Variants in LARS2 observed in about 807,000 individuals in gnomAD.
LARS2 encodes leucyl-tRNA synthetase 2, mitochondrial.
In LARS2, 81 loss-of-function variants were observed where a neutral mutation model predicts 116.6. The observed-to-expected ratio is 0.69, with a 90% CI of 0.58 to 0.84. The LOEUF is 0.84. Among genes scored for constraint, LARS2 ranks in the 40% least tolerant of loss-of-function variants. The pLI, the probability that LARS2 is intolerant of heterozygous loss-of-function variation, is 0.00. For missense variants in LARS2, 968 were observed against 1,114.5 expected (o/e 0.87, Z 1.87); for synonymous variants, 396 against 407.2 (o/e 0.97, Z 0.33).
chr3:45,496,009 G>C (rs1363970416), intron 13 of LARS2, among the ~76,000 whole-genome samples: 1 of 151,980 alleles, frequency 6.6e-6, no homozygotes, highest in Non-Finnish European at 1.5e-5. Flanking sequence ...ACAGGCACAC[G>C]CCACGACGCC....
chr3:45,457,555 G>A (rs1332074654), intron 7 of LARS2, among the ~76,000 whole-genome samples: 3 of 152,142 alleles, frequency 2.0e-5, no homozygotes, highest in Non-Finnish European at 4.4e-5. Flanking sequence ...GCACATGCCT[G>A]TAATCCCAGC....
At chr3:45,428,490 C>G (rs1261880348) in intron 6 of LARS2, among the ~76,000 whole-genome samples, 1 of 152,178 alleles carries the variant, frequency 6.6e-6, no homozygotes, top group South Asian at 2.1e-4. Flanking sequence ...CGTGATCCAC[C>G]CGCCTCAGCC....
chr3:45,465,551 G>T (rs907922349), intron 8 of LARS2, among the ~76,000 whole-genome samples: 1 of 152,220 alleles, frequency 6.6e-6, no homozygotes, highest in Non-Finnish European at 1.5e-5. Flanking sequence ...TGCCTGAATA[G>T]AGGGAGTAAA....
At position 45,406,904 on chromosome 3, in the gene LARS2, G is replaced by A. The variant is rs190681040; in HGVS notation, c.363+6531G>A. Among the ~76,000 whole-genome samples the A allele has an allele frequency of 5.7e-4, 87 of 152,242 alleles. 1 individual carries two copies. The highest frequency in any genetic ancestry group is 2.0e-3 in the African/African-American group (83 of 41,544). On this transcript the variant is annotated intron_variant, in intron 4 of 21. Transcript: ENST00000645846. Reference sequence around the variant, plus strand: ...CTTAGCTCCATATGGTGATTTTGTTGTGTTTTCATATGTTGTATGCACAGA... The same window carrying A: ...CTTAGCTCCATATGGTGATTTTGTTATGTTTTCATATGTTGTATGCACAGA...
At chr3:45,434,101 C>T (rs1240923085) in intron 6 of LARS2, among the ~76,000 whole-genome samples, 86 of 152,108 alleles carry the variant, frequency 5.7e-4, no homozygotes, top group Non-Finnish European at 2.9e-5. Context: ...CACTTAGCTT[C>T]TTGCATCTGT....
chr3:45,526,906 A>G (rs1277633905), intron 20 of LARS2, among the ~76,000 whole-genome samples: 3 of 152,258 alleles, frequency 2.0e-5, no homozygotes, highest in Non-Finnish European at 2.9e-5. Flanking sequence ...TAAGAAAATA[A>G]GATAAATGCA....
chr3:45,504,335 C>T (rs1335504601), intron 15 of LARS2, among the ~76,000 whole-genome samples: 1 of 151,934 alleles, frequency 6.6e-6, no homozygotes, highest in African/African-American at 2.4e-5. Context: ...GACAGAAACC[C>T]ATTTTCATTA....
At chr3:45,417,721 T>G in intron 5 of LARS2, 148 bp downstream of exon 5, 1 of 585,352 alleles carries the variant, frequency 1.7e-6, no homozygotes, top group Admixed American at 3.0e-5. Context: ...GGTGTTTGTC[T>G]TTTAACATAT....
At chr3:45,533,020 G>C (rs2125765461) in intron 20 of LARS2, among the ~76,000 whole-genome samples, 1 of 152,130 alleles carries the variant, frequency 6.6e-6, no homozygotes, top group South Asian at 2.1e-4. Flanking sequence ...ACACCCTTAA[G>C]GGAGGGAGGT....
Position 45,435,571 on chromosome 3 carries a change from T to C in LARS2, c.517-11320T>C, listed in dbSNP as rs1397585884. 2.6e-5 allele frequency among the ~76,000 whole-genome samples: 4 copies of C among 152,328 alleles called. No homozygotes were observed. The East Asian group carries it at 7.7e-4, about 29-fold the overall frequency. On this transcript the variant is annotated intron_variant, in intron 6 of 21. Coordinates refer to ENST00000645846, the MANE Select transcript of LARS2 (RefSeq NM_015340.4). ...ATAGAGGAGTTCAGTCTTTCTTTTC[T>C]TCTTTTTTTATTTTTTCCTTCTCTT...
chr3:45,533,620 C>T (rs1700655685), intron 20 of LARS2, among the ~76,000 whole-genome samples: 1 of 152,164 alleles, frequency 6.6e-6, no homozygotes, highest in Non-Finnish European at 1.5e-5. Context: ...TTTTGTTTCT[C>T]CCAGGAAGGA....
chr3:45,538,649 C>T (rs951417050), intron 20 of LARS2, among the ~76,000 whole-genome samples: 4 of 152,226 alleles, frequency 2.6e-5, no homozygotes, highest in African/African-American at 9.6e-5. Context: ...TGATCCTCAG[C>T]TCCTAAGGAG....
intron 20 of LARS2, among the ~76,000 whole-genome samples, chr3:45,533,150 T>C (rs1412247885): frequency 8.2e-6 from 1 of 121,756 alleles, no homozygotes; most frequent in Admixed American, 8.3e-5. Flanking sequence ...TCTTTTTTTT[T>C]TTTTTTTTTT....
intron 18 of LARS2, among the ~76,000 whole-genome samples, chr3:45,519,218 G>A (rs955937794): frequency 6.6e-6 from 1 of 152,162 alleles, no homozygotes; most frequent in African/African-American, 2.4e-5. Flanking sequence ...TTGACAAGGC[G>A]CAGTGGCTCA....
At chr3:45,539,309 G>A (rs1247699338) in intron 20 of LARS2, among the ~76,000 whole-genome samples, 1 of 152,164 alleles carries the variant, frequency 6.6e-6, no homozygotes, top group Non-Finnish European at 1.5e-5. Context: ...AATATCCCTT[G>A]TAGAAAATCT....
In LARS2 at chr3:45,389,835, C is replaced by T. The variant is rs114302553; in HGVS notation, c.-88+1155C>T. ...GCTGCTCCTCGCTGTCAATAAGAGG[C>T]AGTCCATCAGGGCTTTGGTGGAGGG... On this transcript the variant is annotated intron_variant, in intron 1 of 21. Coordinates refer to ENST00000645846, the MANE Select transcript of LARS2 (RefSeq NM_015340.4). Among the ~76,000 whole-genome samples the T allele has an allele frequency of 5.1e-3, 783 of 152,302 alleles. 8 individuals are homozygous for T. Among genetic ancestry groups the T allele is most frequent in the African/African-American group, 0.018 (737 of 41,564 alleles).
At chr3:45,478,400 A>G (rs913866929) in intron 10 of LARS2, among the ~76,000 whole-genome samples, 1 of 152,230 alleles carries the variant, frequency 6.6e-6, no homozygotes, top group African/African-American at 2.4e-5. Context: ...AAAATAAGGT[A>G]CTATTAATAG....
At chr3:45,490,288 C>A (rs1390460397) in intron 12 of LARS2, among the ~76,000 whole-genome samples, 1 of 152,214 alleles carries the variant, frequency 6.6e-6, no homozygotes, top group Non-Finnish European at 1.5e-5. Context: ...CAAAATTAGG[C>A]TTCTGAAGTG....
intron 16 of LARS2, among the ~76,000 whole-genome samples, chr3:45,514,841 T>TCTCA (rs1408002575): frequency 2.0e-5 from 3 of 152,302 alleles, no homozygotes; most frequent in East Asian, 3.9e-4. Context: ...GTTCCCTGAG[T>TCTCA]CTCACCACAG....
Sources: gnomAD v4.1 joint callset for allele counts (sites outside exome capture counted in the v4.1 genomes callset) on GRCh38, gnomAD v4.1.1 for gene constraint, MANE v1.5 for transcripts, NCBI Gene and HGNC (gene_info 2026-07-23, HGNC 2026-07-21) for gene names.